RNF217: variants seen among roughly 807,000 people sequenced by gnomAD.
RNF217 encodes ring finger protein 217.
A neutral mutation model predicts 57.8 loss-of-function variants in RNF217; 31 were observed. The ratio of observed to expected loss-of-function variants is 0.54; its 90% CI spans 0.40 to 0.72. The LOEUF is 0.72. RNF217 is among the 30% of genes least tolerant of loss of function. The pLI is 0.00. For missense variants in RNF217, 696 were observed against 708.3 expected, an observed-to-expected ratio of 0.98 and a Z score of 0.20; for synonymous variants, 313 against 294.0, an observed-to-expected ratio of 1.06 and a Z score of -0.66.
chr6:124,993,455 A>T (rs755999255), intron 1 of RNF217, among the ~76,000 whole-genome samples: 85 of 152,094 alleles, frequency 5.6e-4, no homozygotes, highest in Non-Finnish European at 9.8e-4. Flanking sequence ...CCTTTCTTTG[A>T]TGAAGAGGCT....
chr6:125,034,467 G>T (rs1370357654), intron 1 of RNF217, among the ~76,000 whole-genome samples: 14 of 152,158 alleles, frequency 9.2e-5, no homozygotes, highest in African/African-American at 3.1e-4. Context: ...TTTCCCCATT[G>T]CTTGTTTTTG....
Position 124,963,268 on chromosome 6 carries a change from G to A in RNF217, c.724G>A (p.Ala242Thr), listed in dbSNP as rs1340933833. The stretch of plus-strand genomic sequence containing the variant: ...GTTCTCCATGCCCAGCCTGTTGGGA[G>A]CTCCACCCTACTCTGGCCTGGGCGG... ...EPFSMPSLLG[A>T]PPYSGLGGVG... is the part of the protein sequence containing the mutation. Residue 242 changes from alanine (A) to threonine (T), a missense_variant, in exon 1 of 6, where the codon GCT (alanine) becomes ACT (threonine). Coordinates refer to ENST00000521654, the MANE Select transcript of RNF217 (RefSeq NM_001286398.3). 2.0e-6 allele frequency: 3 copies of A among 1,536,064 alleles called. No individual in the cohort carries two copies. The Admixed American group carries it at 5.9e-5, about 30-fold the overall frequency.
chr6:125,009,371 C>A, intron 1 of RNF217: 1 of 842,880 alleles, frequency 1.2e-6, no homozygotes, highest in Non-Finnish European at 2.0e-6. Flanking sequence ...AGCCCTCTCA[C>A]AGACATAGAG....
At chr6:125,041,406 A>T (rs986658231) in intron 1 of RNF217, among the ~76,000 whole-genome samples, 8 of 152,102 alleles carry the variant, frequency 5.3e-5, no homozygotes, top group African/African-American at 1.9e-4. Context: ...AGTCCTCCTC[A>T]TAAAACCAGT....
intron 1 of RNF217, among the ~76,000 whole-genome samples, chr6:125,034,662 T>C (rs965242586): frequency 6.6e-6 from 1 of 152,216 alleles, no homozygotes; most frequent in African/African-American, 2.4e-5. Flanking sequence ...TGGCTTAGGA[T>C]TGGCTTGGCG....
intron 1 of RNF217, among the ~76,000 whole-genome samples, chr6:124,994,838 C>T (rs773198003): frequency 8.5e-5 from 13 of 152,110 alleles, no homozygotes; most frequent in Non-Finnish European, 1.6e-4. Context: ...TTTTATAGCT[C>T]CGTGGCTGAC....
In RNF217 at chr6:124,962,841, G is replaced by C. The variant is rs766094463; in HGVS notation, c.297G>C (p.Gln99His). Residue 99 changes from glutamine to histidine, a missense_variant, in exon 1 of 6, where the codon CAG becomes CAC. By Grantham distance (24) the Gln-to-His change is conservative. Transcript: ENST00000521654. This position sits in a 1 kb window ranked among gnomAD's most constrained non-coding sequence, Gnocchi z 4.6. ...GLALTGPLNP[Q>H]TLPLQLELEE... ...CACTCACCGGGCCTCTCAATCCCCA[G>C]ACCTTGCCACTGCAGTTGGAGCTGG... 5 of 1,597,898 alleles carry C rather than the reference G, an allele frequency of 3.1e-6. No individual in the cohort carries two copies. The highest frequency in any genetic ancestry group is 4.2e-6 in the Non-Finnish European group (5 of 1,179,654).
At chr6:125,026,188 T>A (rs1036339720) in intron 1 of RNF217, among the ~76,000 whole-genome samples, 1 of 152,190 alleles carries the variant, frequency 6.6e-6, no homozygotes, top group Non-Finnish European at 1.5e-5. Context: ...CAACATGGCA[T>A]TATTATTCTA....
Position 125,083,172 on chromosome 6 carries a change from A to C in RNF217, c.*235A>C. The stretch of plus-strand genomic sequence containing the variant: ...TAAAAAATGGTCACTTTCATAAACT[A>C]TAAACATCTATATCATAACTCTGAC... On this transcript the variant is annotated 3_prime_UTR_variant, in exon 6 of 6. Transcript: ENST00000521654. 2.5e-6 allele frequency: 1 copy of C among 398,166 alleles called. No individual in the cohort carries two copies. The allele number at this position is 398,166 out of a possible 1,614,324, so 24.7% of individuals were successfully genotyped here. A position where few individuals can be genotyped will look rare whatever the true frequency, so the allele number is the denominator to read the frequency against.
chr6:125,038,459 T>C (rs950371696), intron 1 of RNF217, among the ~76,000 whole-genome samples: 1 of 152,148 alleles, frequency 6.6e-6, no homozygotes, highest in Non-Finnish European at 1.5e-5. Context: ...ATCTGGTATT[T>C]TCTTCAAAAT....
intron 1 of RNF217, among the ~76,000 whole-genome samples, chr6:124,966,863 G>A (rs562081927): frequency 2.6e-5 from 4 of 152,324 alleles, no homozygotes; most frequent in African/African-American, 4.8e-5. Flanking sequence ...TAGCAAATTA[G>A]ATGGTGACTT....
chr6:125,040,680 A>C (rs952934023), intron 1 of RNF217, among the ~76,000 whole-genome samples: 1 of 152,240 alleles, frequency 6.6e-6, no homozygotes, highest in Non-Finnish European at 1.5e-5. Context: ...CATTGAAGCG[A>C]AAATCATCAA....
chr6:125,045,388 A>G lies in RNF217; in HGVS notation c.1060A>G (p.Thr354Ala). The G allele has an allele frequency of 6.2e-7, 1 of 1,613,362 alleles. No individual in the cohort carries two copies. The highest frequency in any genetic ancestry group is 1.7e-5 in the Admixed American group (1 of 59,904). ...ATGTCCTCAGTGCAAGCACTTTACA[A>G]CCTTCAAGAAAAAAGGACATATTCC... ...KPCPQCKHFT[T>A]FKKKGHIPTP... The change falls in exon 2 of 6, where the codon ACC (threonine) becomes GCC (alanine). Residue 354 changes from threonine to alanine, a missense_variant. By Grantham distance (58) the Thr-to-Ala change is moderately conservative. This residue lies in a region of RNF217 where 231 missense variants were observed against 321.4 expected (regional missense o/e 0.72). Coordinates refer to ENST00000521654, the MANE Select transcript of RNF217 (RefSeq NM_001286398.3).
chr6:125,014,518 C>A (rs987347145), intron 1 of RNF217, among the ~76,000 whole-genome samples: 7 of 152,124 alleles, frequency 4.6e-5, no homozygotes, highest in Non-Finnish European at 1.0e-4. Flanking sequence ...CTTTCTGATG[C>A]AGGAAATGAG....
intron 3 of RNF217, among the ~76,000 whole-genome samples, chr6:125,063,546 C>T (rs982438605): frequency 7.9e-5 from 12 of 152,048 alleles, no homozygotes; most frequent in African/African-American, 2.9e-4. Context: ...TGTCAGTCTC[C>T]TCTGTAGTTA....
At chr6:125,025,454 T>C (rs533952548) in intron 1 of RNF217, among the ~76,000 whole-genome samples, 78 of 150,230 alleles carry the variant, frequency 5.2e-4, no homozygotes, top group Admixed American at 5.1e-3. Context: ...GGAGGTGAGA[T>C]TCCTGACAAG....
chr6:125,008,302 A>G (rs1785270604), intron 1 of RNF217, among the ~76,000 whole-genome samples: 1 of 152,108 alleles, frequency 6.6e-6, no homozygotes, highest in Non-Finnish European at 1.5e-5. Context: ...AAAATATCTT[A>G]CAGTAGTACT....
At chr6:125,009,096 A>G in intron 1 of RNF217, 1 of 729,706 alleles carries the variant, frequency 1.4e-6, no homozygotes, top group South Asian at 3.2e-5. Context: ...GCTTTCCTGA[A>G]CAGACGTGTT....
rs1788790591 is a variant in RNF217 at position 125,087,063 on chromosome 6, G to A, written c.*4126G>A. On this transcript the variant is annotated 3_prime_UTR_variant, in exon 6 of 6. Transcript: ENST00000521654. ...CTCTTCACTGAAGGAGAAGAGGAGA[G>A]ACAGGAGGGGCCTAAAAACTCACTC... is the stretch of plus-strand genomic sequence containing the variant. 6.6e-6 allele frequency: 1 copy of A among 152,036 alleles called. No homozygotes were observed. The highest frequency in any genetic ancestry group is 2.4e-5 in the African/African-American group (1 of 41,404). The allele number at this position is 152,036 out of a possible 1,614,324, so 9.4% of individuals were successfully genotyped here. A position where few individuals can be genotyped will look rare whatever the true frequency, so the allele number is the denominator to read the frequency against.
Sources: allele counts gnomAD v4.1 joint callset (sites outside exome capture counted in the v4.1 genomes callset), GRCh38; gene constraint gnomAD v4.1.1; regional missense constraint gnomAD v4.1.1; non-coding constraint Gnocchi (gnomAD v3.1); transcripts MANE v1.5; gene names NCBI Gene and HGNC (gene_info 2026-07-23, HGNC 2026-07-21).